Variants in TTC7B observed in about 807,000 individuals in gnomAD.
TTC7B encodes the protein tetratricopeptide repeat domain 7B.
TTC7B carries 28 observed loss-of-function variants against 106.8 expected under a neutral mutation model. That is an observed-to-expected ratio of 0.26 (90% confidence interval 0.19 to 0.36). The LOEUF is 0.36. Ranked by LOEUF, TTC7B falls within the 10% of genes least tolerant of loss-of-function variation. The pLI, the probability that TTC7B is intolerant of heterozygous loss-of-function variation, is 1.00. For synonymous variants in TTC7B, 405 were observed against 430.6 expected (o/e 0.94, Z 0.74); for missense variants, 862 against 1,076.4 (o/e 0.80, Z 2.79).
At chr14:90,792,236 G>A in intron 1 of TTC7B, among the ~76,000 whole-genome samples, 1 of 152,134 alleles carries the variant, frequency 6.6e-6, no homozygotes, top group East Asian at 1.9e-4. Flanking sequence ...CTGGGGGAAT[G>A]CGCCAGAGTC....
At chr14:90,628,869 A>G (rs1283270871) in intron 15 of TTC7B, among the ~76,000 whole-genome samples, 2 of 152,260 alleles carry the variant, frequency 1.3e-5, no homozygotes, top group Admixed American at 1.3e-4. Context: ...GCCAAGGGAC[A>G]CTGAAGGCAG....
intron 5 of TTC7B, among the ~76,000 whole-genome samples, chr14:90,701,322 G>A (rs1054329875): frequency 4.6e-5 from 7 of 152,116 alleles, no homozygotes; most frequent in African/African-American, 1.7e-4. Flanking sequence ...TTGGTCAGCC[G>A]GCCAGGCAGC....
At chr14:90,555,379 G>A (rs991703207) in intron 19 of TTC7B, among the ~76,000 whole-genome samples, 1 of 152,198 alleles carries the variant, frequency 6.6e-6, no homozygotes, top group African/African-American at 2.4e-5. Context: ...GGGCTCTTGG[G>A]ACCCAGGTGA....
At chr14:90,572,855 C>T (rs1891084992) in intron 19 of TTC7B, among the ~76,000 whole-genome samples, 1 of 152,186 alleles carries the variant, frequency 6.6e-6, no homozygotes, top group South Asian at 2.1e-4. Flanking sequence ...TTCCCATGCT[C>T]CACTCCACTC....
intron 19 of TTC7B, among the ~76,000 whole-genome samples, chr14:90,551,987 T>C (rs1890101195): frequency 6.6e-6 from 1 of 152,238 alleles, no homozygotes; most frequent in Admixed American, 6.5e-5. Context: ...GGGCTCTGTT[T>C]TGTGTTTCAT....
chr14:90,775,043 CAA>C (rs35706904), intron 3 of TTC7B, among the ~76,000 whole-genome samples: 189 of 138,984 alleles, frequency 1.4e-3, no homozygotes, highest in Admixed American at 1.8e-3. Flanking sequence ...AATTCTGTCT[CAA>C]AAAAAAAAAA....
chr14:90,700,249 G>GT (rs748092621), intron 5 of TTC7B, among the ~76,000 whole-genome samples: 3 of 152,128 alleles, frequency 2.0e-5, no homozygotes, highest in Non-Finnish European at 4.4e-5. Context: ...AGATTTTGAG[G>GT]TTTTTTAAAG....
rs1555386790 is a variant in TTC7B, at chr14:90,660,417, A to AAAAGAAAAG, written c.1153-2031_1153-2030insCTTTTCTTT. Among the ~76,000 whole-genome samples the AAAAGAAAAG allele has an allele frequency of 1.2e-4, 14 of 119,488 alleles. No individual in the cohort carries two copies. The South Asian group carries it at 1.6e-3, about 14-fold the overall frequency. The allele number at this position is 119,488 out of a possible 152,430, so 78.4% of individuals were successfully genotyped here. A position where few individuals can be genotyped will look rare whatever the true frequency, so the allele number is the denominator to read the frequency against. The stretch of plus-strand genomic sequence containing the variant: ...TCTCAAAAAAAAAAAAAAAAAAAAA[A>AAAAGAAAAG]AAAAGAAAAGAAAAGAAAAGAAAAA... On this transcript the variant is annotated intron_variant, in intron 9 of 19. Transcript: ENST00000328459.
At chr14:90,546,806 T>G (rs1345040154) in intron 19 of TTC7B, among the ~76,000 whole-genome samples, 1 of 152,248 alleles carries the variant, frequency 6.6e-6, no homozygotes, top group East Asian at 1.9e-4. Flanking sequence ...AGCGCAGGCC[T>G]GCTCTCAAAG....
chr14:90,681,864 ATGT>A (rs1355458921), intron 7 of TTC7B, among the ~76,000 whole-genome samples: 3 of 132,090 alleles, frequency 2.3e-5, no homozygotes, highest in Non-Finnish European at 3.2e-5. Flanking sequence ...CCACCTCAGT[ATGT>A]TGTTGTTGTT....
At chr14:90,556,205 G>A (rs1020021237) in intron 19 of TTC7B, among the ~76,000 whole-genome samples, 1 of 152,340 alleles carries the variant, frequency 6.6e-6, no homozygotes, top group East Asian at 1.9e-4. Flanking sequence ...GAGGAGACAG[G>A]AGGAAGCCTT....
intron 17 of TTC7B, 52 bp downstream of exon 17, chr14:90,610,690 C>T: frequency 7.5e-7 from 1 of 1,324,724 alleles, no homozygotes; most frequent in South Asian, 1.2e-5. Context: ...TGGTCCCAGG[C>T]CCCCACATTC....
At chr14:90,621,075 T>C (rs1287617874) in intron 15 of TTC7B, among the ~76,000 whole-genome samples, 1 of 151,924 alleles carries the variant, frequency 6.6e-6, no homozygotes, top group African/African-American at 2.4e-5. Context: ...TAGGTACGGC[T>C]GGGATGATGG....
Position 90,704,640 on chromosome 14 carries a change from T to A in TTC7B, c.699-9062A>T, listed in dbSNP as rs554445839. ...GCTGAAGTCTCTGAACCTAGACACATCTGGCTGCAAAGAACGGGATGGGAT... is the reference window on the plus strand; with the variant it reads ...GCTGAAGTCTCTGAACCTAGACACAACTGGCTGCAAAGAACGGGATGGGAT... On this transcript the variant is annotated intron_variant, in intron 5 of 19. Transcript: ENST00000328459. Among the ~76,000 whole-genome samples the A allele has an allele frequency of 4.1e-4, 63 of 152,282 alleles. 3 individuals are homozygous for A. The South Asian group carries it at 0.012, about 29-fold the overall frequency.
At chr14:90,631,699 C>T (rs1884712492) in intron 15 of TTC7B, among the ~76,000 whole-genome samples, 1 of 152,176 alleles carries the variant, frequency 6.6e-6, no homozygotes, top group African/African-American at 2.4e-5. Context: ...AGCCACCCTG[C>T]CCAGCCTGAG....
chr14:90,527,033 A>AG lies in TTC7B; in HGVS notation c.*14334dup, dbSNP rs1889164280. On this transcript the variant is annotated 3_prime_UTR_variant, in exon 20 of 20. Transcript: ENST00000328459. ...CTTTTTCATGCTCTTGGTAGTTTTGAGGGGTATTGGTCAGGTATTTTGTAG... is the reference window on the plus strand; with the variant it reads ...CTTTTTCATGCTCTTGGTAGTTTTGAGGGGGTATTGGTCAGGTATTTTGTAG... The AG allele has an allele frequency of 6.6e-6, 1 of 151,344 alleles. No individual in the cohort carries two copies. The highest frequency in any genetic ancestry group is 1.9e-4 in the East Asian group (1 of 5,146). The allele number at this position is 151,344 out of a possible 1,614,324, so 9.4% of individuals were successfully genotyped here.
chr14:90,546,614 G>GC (rs960528945), intron 19 of TTC7B, among the ~76,000 whole-genome samples: 22 of 152,196 alleles, frequency 1.4e-4, no homozygotes, highest in Admixed American at 1.3e-3. Context: ...CAGCCACACT[G>GC]CCCCCAACCA....
chr14:90,768,548 A>G (rs1890762197), intron 3 of TTC7B, among the ~76,000 whole-genome samples: 1 of 152,198 alleles, frequency 6.6e-6, no homozygotes, highest in South Asian at 2.1e-4. Flanking sequence ...TTAAAATGAG[A>G]TCTGAATGGG....
chr14:90,778,245 T>G (rs1393425318), intron 3 of TTC7B, among the ~76,000 whole-genome samples: 4 of 152,156 alleles, frequency 2.6e-5, no homozygotes, highest in Non-Finnish European at 5.9e-5. Context: ...AGGTCTCCCG[T>G]GAGCCAGCAG....
Sources: allele counts gnomAD v4.1 joint callset (sites outside exome capture counted in the v4.1 genomes callset), GRCh38; gene constraint gnomAD v4.1.1; transcripts MANE v1.5; gene names NCBI Gene and HGNC (gene_info 2026-07-23, HGNC 2026-07-21).